KCNG2: variants seen among roughly 807,000 people sequenced by gnomAD.
The protein encoded by KCNG2 is potassium voltage-gated channel modifier subfamily G member 2.
Under a neutral mutation model 12.3 loss-of-function variants are expected in KCNG2, and 7 were observed. That is an observed-to-expected ratio of 0.57 (90% CI 0.32 to 1.07). The LOEUF (loss-of-function observed/expected upper bound fraction) is 1.07, where lower values mean the gene tolerates loss of function less well. Ranked by LOEUF, KCNG2 falls within the 50% of genes least tolerant of loss-of-function variation. The probability of loss-of-function intolerance (pLI) is 0.04; values close to 1 mark genes in which losing one functional copy is unlikely to be tolerated. For missense variants in KCNG2, 703 were observed against 726.0 expected, an observed-to-expected ratio of 0.97 and a Z score of 0.36; for synonymous variants, 414 against 351.4, an observed-to-expected ratio of 1.18 and a Z score of -1.99.
At chr18:79,895,671 T>TA (rs1464591742) in intron 3 of KCNG2, among the ~76,000 whole-genome samples, 1 of 151,882 alleles carries the variant, frequency 6.6e-6, no homozygotes, top group Non-Finnish European at 1.5e-5. Flanking sequence ...CATTCACATC[T>TA]AATGTTACGA....
At chr18:79,815,306 T>C (rs1208786229) in intron 1 of KCNG2, among the ~76,000 whole-genome samples, 7 of 151,974 alleles carry the variant, frequency 4.6e-5, no homozygotes, top group African/African-American at 1.5e-4. Flanking sequence ...CTGGGTGTGA[T>C]AGCAGACACC....
In KCNG2 at chr18:79,899,684, C is replaced by G; in HGVS notation, c.1269C>G (p.Ala423=). Residue 423 remains alanine, a synonymous_variant, in exon 4 of 4, where the codon GCC becomes GCG. Transcript: ENST00000316249. The part of the protein sequence containing the change: ...SELKEQQQRA[A]SPEPALQEDS... ...TCAAGGAGCAGCAGCAGCGCGCGGC[C>G]AGCCCCGAGCCGGCCCTGCAGGAGG... 3 of 1,607,866 alleles carry G rather than the reference C, an allele frequency of 1.9e-6. No homozygotes were observed. Among genetic ancestry groups the G allele is most frequent in the Non-Finnish European group, 2.5e-6 (3 of 1,178,134 alleles).
intron 3 of KCNG2, among the ~76,000 whole-genome samples, chr18:79,881,651 C>T (rs1980300619): frequency 6.6e-6 from 1 of 152,198 alleles, no homozygotes. Flanking sequence ...GCGCTGAAGA[C>T]TCGGTGTGAC....
At chr18:79,807,843 C>CCGCGCTGACCACACTCCA (rs2087463429) in intron 1 of KCNG2, among the ~76,000 whole-genome samples, 1 of 80,646 alleles carries the variant, frequency 1.2e-5, no homozygotes, top group African/African-American at 5.1e-5. Context: ...GCTGCCGGGG[C>CCGCGCTGACCACACTCCA]CGCGCTGACC....
chr18:79,818,982 C>A (rs1568244732), intron 1 of KCNG2, among the ~76,000 whole-genome samples: 1 of 152,186 alleles, frequency 6.6e-6, no homozygotes, highest in African/African-American at 2.4e-5. Context: ...CGACACAGTG[C>A]CCAGTTCTGC....
chr18:79,851,780 T>A (rs1324905466), intron 1 of KCNG2, among the ~76,000 whole-genome samples: 1 of 151,852 alleles, frequency 6.6e-6, no homozygotes, highest in Non-Finnish European at 1.5e-5. Context: ...TGAATGCGTG[T>A]GTGAATGTGC....
rs1279068871 is a variant in KCNG2, at chr18:79,900,084, T to G, written c.*268T>G. 5.8e-6 allele frequency: 2 copies of G among 343,392 alleles called. No individual in the cohort carries two copies. Among genetic ancestry groups the G allele is most frequent in the Non-Finnish European group, 1.0e-5 (2 of 191,178 alleles). The allele number at this position is 343,392 out of a possible 1,614,324, so 21.3% of individuals were successfully genotyped here. On this transcript the variant is annotated 3_prime_UTR_variant, in exon 4 of 4. Transcript: ENST00000316249. The stretch of plus-strand genomic sequence containing the variant: ...TTTCTACGCCTAGCTAAAAATAAAT[T>G]TAGTAAGTCCGAGAGATTCCACGCC...
chr18:79,839,814 G>A (rs1231390593), intron 1 of KCNG2, among the ~76,000 whole-genome samples: 6 of 152,330 alleles, frequency 3.9e-5, no homozygotes, highest in East Asian at 1.9e-4. Flanking sequence ...TTCCAGGGAT[G>A]CAAAGATGAT....
intron 1 of KCNG2, among the ~76,000 whole-genome samples, chr18:79,854,518 G>A (rs976999125): frequency 7.1e-6 from 1 of 141,224 alleles, no homozygotes; most frequent in African/African-American, 2.5e-5. Context: ...TTTATACATT[G>A]CCTTTCATTG....
intron 1 of KCNG2, among the ~76,000 whole-genome samples, chr18:79,835,477 G>A (rs1978318748): frequency 6.6e-6 from 1 of 152,156 alleles, no homozygotes; most frequent in Non-Finnish European, 1.5e-5. Context: ...CAAAGGAATA[G>A]AAGATATAAA....
intron 1 of KCNG2, among the ~76,000 whole-genome samples, chr18:79,821,541 C>T (rs1159140304): frequency 1.3e-5 from 2 of 152,230 alleles, no homozygotes; most frequent in South Asian, 2.1e-4. Flanking sequence ...CCACCCGCCT[C>T]GGCCTCCCAA....
intron 3 of KCNG2, among the ~76,000 whole-genome samples, chr18:79,893,311 CT>C (rs1219041388): frequency 6.6e-6 from 1 of 151,868 alleles, no homozygotes; most frequent in Non-Finnish European, 1.5e-5. Flanking sequence ...TCTGTGTCTG[CT>C]TTTGACTGGG....
At chr18:79,801,950 C>G (rs1424072264) in intron 1 of KCNG2, among the ~76,000 whole-genome samples, 1 of 152,156 alleles carries the variant, frequency 6.6e-6, no homozygotes, top group Admixed American at 6.5e-5. Flanking sequence ...ACTCTGGGGA[C>G]CCCTTCGCCA....
At chr18:79,809,338 C>T (rs1364151813) in intron 1 of KCNG2, among the ~76,000 whole-genome samples, 4 of 113,020 alleles carry the variant, frequency 3.5e-5, no homozygotes, top group African/African-American at 1.4e-4. Flanking sequence ...GAGGAGCTGC[C>T]GGGGACACAC....
chr18:79,876,880 C>T (rs748952104), intron 3 of KCNG2, among the ~76,000 whole-genome samples: 13 of 152,204 alleles, frequency 8.5e-5, no homozygotes, highest in African/African-American at 3.1e-4. Context: ...GGCCCTGGGA[C>T]GGCCAGGCTC....
intron 1 of KCNG2, among the ~76,000 whole-genome samples, chr18:79,828,975 GTCTA>G: frequency 8.0e-6 from 1 of 124,478 alleles, no homozygotes; most frequent in African/African-American, 3.0e-5. Flanking sequence ...GTATGTGGGT[GTCTA>G]TGTGTGCGTG....
At chr18:79,872,280 GTTTTTTT>G (rs1162742507) in intron 3 of KCNG2, among the ~76,000 whole-genome samples, 4 of 73,414 alleles carry the variant, frequency 5.4e-5, no homozygotes, top group South Asian at 1.4e-3. Context: ...CAAAGCTTCA[GTTTTTTT>G]TTTTTTTTTT....
chr18:79,817,461 G>A (rs1023458808), intron 1 of KCNG2, among the ~76,000 whole-genome samples: 51 of 152,166 alleles, frequency 3.4e-4, no homozygotes, highest in East Asian at 7.7e-4. Context: ...TGTCACACCC[G>A]TTACACCCAT....
At chr18:79,890,535 G>A (rs761956530) in intron 3 of KCNG2, among the ~76,000 whole-genome samples, 4 of 152,114 alleles carry the variant, frequency 2.6e-5, no homozygotes, top group Non-Finnish European at 5.9e-5. Context: ...AGCACCCAAC[G>A]TTTAGCTCGC....
Sources: gnomAD v4.1 joint callset for allele counts (sites outside exome capture counted in the v4.1 genomes callset) on GRCh38, gnomAD v4.1.1 for gene constraint, MANE v1.5 for transcripts, NCBI Gene and HGNC (gene_info 2026-07-23, HGNC 2026-07-21) for gene names.